The following CALHM2 variants were observed in gnomAD, a reference collection of about 807,000 sequenced individuals.
The protein encoded by CALHM2 is calcium homeostasis modulator protein 2.
In CALHM2, 18 loss-of-function variants were observed where a neutral mutation model predicts 20.4. The ratio of observed to expected loss-of-function variants is 0.88; its 90% CI spans 0.61 to 1.31. CALHM2 has a LOEUF of 1.31. Among genes scored for constraint, CALHM2 ranks in the 50% most tolerant of loss-of-function variants. The probability of loss-of-function intolerance (pLI) is 0.00; values close to 1 mark genes in which losing one functional copy is unlikely to be tolerated. For synonymous variants in CALHM2, 193 were observed against 192.1 expected (o/e 1.00, Z -0.04); for missense variants, 411 against 435.7 (o/e 0.94, Z 0.50).
In CALHM2 at chr10:103,449,492, T is replaced by G. The variant is rs1283234372; in HGVS notation, c.450A>C (p.Ser150=). 3.1e-6 allele frequency: 5 copies of G among 1,613,450 alleles called. No individual in the cohort carries two copies. Among genetic ancestry groups the G allele is most frequent in the Non-Finnish European group, 4.2e-6 (5 of 1,179,990 alleles). ...TGGCCAGGATTTCAGTGGCGTGGGC[T>G]GATGGGAAGTGCTCTTCCCTGGCCG... The part of the protein sequence containing the change: ...SLTAREEHFP[S]AHATEILARF... The change falls in exon 3 of 4, where the codon TCA becomes TCC. Residue 150 remains serine, a synonymous_variant. Coordinates refer to ENST00000260743, the MANE Select transcript of CALHM2 (RefSeq NM_015916.5).
intron 3 of CALHM2, 139 bp from the exon 4 acceptor site, chr10:103,447,707 C>A: frequency 1.4e-6 from 1 of 716,924 alleles, no homozygotes; most frequent in East Asian, 2.8e-5. Context: ...GTTTCCTTAC[C>A]CCCTTTAACT....
At position 103,447,584 on chromosome 10, in the gene CALHM2, G is replaced by C. The variant is rs1592148773; in HGVS notation, c.556-16C>G. 6.4e-7 allele frequency: 1 copy of C among 1,572,992 alleles called. No individual in the cohort carries two copies. Among genetic ancestry groups the C allele is most frequent in the Non-Finnish European group, 8.6e-7 (1 of 1,158,396 alleles). ...ATCCAAAGAGCTGGCCAGAGAATGGGCACAGTTCAGGAGGGGCGAGGAACT... is the reference window on the plus strand; with the variant it reads ...ATCCAAAGAGCTGGCCAGAGAATGGCCACAGTTCAGGAGGGGCGAGGAACT... On this transcript the variant is annotated splice_polypyrimidine_tract_variant and intron_variant, in intron 3 of 3. Transcript: ENST00000260743.
Position 103,449,424 on chromosome 10 carries a change from C to T in CALHM2, c.518G>A (p.Arg173Gln), listed in dbSNP as rs749746508. 14 of 1,613,112 alleles carry T rather than the reference C, an allele frequency of 8.7e-6. No individual in the cohort carries two copies. Among genetic ancestry groups the T allele is most frequent in the Admixed American group, 3.3e-5 (2 of 60,030 alleles). ...KENPDNLSDF[R>Q]EEVSRRLRYE... The stretch of plus-strand genomic sequence containing the variant: ...CCTGAGCCTGCGGCTGACCTCCTCC[C>T]GGAAGTCTGACAGGTTGTCAGGGTT... Residue 173 changes from arginine to glutamine, a missense_variant, in exon 3 of 4, where the codon CGG (arginine) becomes CAG (glutamine). Physicochemically the swap from Arg to Gln is conservative, Grantham distance 43 (BLOSUM62 1). Coordinates refer to ENST00000260743, the MANE Select transcript of CALHM2 (RefSeq NM_015916.5).
In CALHM2 at chr10:103,447,364, C is replaced by T; in HGVS notation, c.760G>A (p.Val254Met). The change falls in exon 4 of 4, where the codon GTG (valine) becomes ATG (methionine). Residue 254 changes from valine (V) to methionine (M), a missense_variant. Coordinates refer to ENST00000260743, the MANE Select transcript of CALHM2 (RefSeq NM_015916.5). ...TCCTCATCATCCTTGTTGAGCGCCA[C>T]AAAGCCAAAGAAGCGGCGCACATTG... ...ANNVRRFFGF[V>M]ALNKDDEELI... 6.2e-7 allele frequency: 1 copy of T among 1,614,124 alleles called. No individual in the cohort carries two copies. Among genetic ancestry groups the T allele is most frequent in the South Asian group, 1.1e-5 (1 of 91,086 alleles).
At chr10:103,447,610 G>A in intron 3 of CALHM2, 42 bp from the exon 4 acceptor site, 1 of 1,497,642 alleles carries the variant, frequency 6.7e-7, no homozygotes, top group Non-Finnish European at 8.9e-7. Flanking sequence ...GCGAGGAACT[G>A]CCTAAGCCCT....
Position 103,447,308 on chromosome 10 carries a change from C to T in CALHM2, c.816G>A (p.Thr272=), listed in dbSNP as rs758060351. 41 of 1,614,138 alleles carry T rather than the reference C, an allele frequency of 2.5e-5. No homozygotes were observed. The highest frequency in any genetic ancestry group is 3.5e-5 in the Non-Finnish European group (41 of 1,180,058). The change falls in exon 4 of 4, where the codon ACG becomes ACA. Residue 272 remains threonine (T), a synonymous_variant. Transcript: ENST00000260743. The part of the protein sequence containing the change: ...ELIANFPVEG[T]QPRPQWNAIT... The stretch of plus-strand genomic sequence containing the variant: ...TGGCATTCCACTGTGGCCGTGGCTG[C>T]GTGCCTTCCACTGGGAAGTTGGCAA...
chr10:103,447,959 T>C (rs1301936432), intron 3 of CALHM2, among the ~76,000 whole-genome samples: 2 of 152,116 alleles, frequency 1.3e-5, no homozygotes, highest in Non-Finnish European at 2.9e-5. Context: ...AGGTCACACA[T>C]GTGCTTGTCT....
rs2033041248 is a variant in CALHM2, at chr10:103,452,276, G to C, written c.-482C>G. The C allele has an allele frequency of 6.5e-6, 1 of 153,020 alleles. No homozygotes were observed. The highest frequency in any genetic ancestry group is 1.5e-5 in the Non-Finnish European group (1 of 68,696). The allele number at this position is 153,020 out of a possible 1,614,324, so 9.5% of individuals were successfully genotyped here. On this transcript the variant is annotated 5_prime_UTR_variant, in exon 1 of 4. Transcript: ENST00000260743. Reference sequence around the variant, plus strand: ...CGCCGTTCCCTCCCGCTTTTCTTCTGCACGGGGGCCTGGGGCTGGTGGCGG... The same window carrying C: ...CGCCGTTCCCTCCCGCTTTTCTTCTCCACGGGGGCCTGGGGCTGGTGGCGG...
chr10:103,447,696 C>G, intron 3 of CALHM2, 128 bp from the exon 4 acceptor site: 1 of 767,412 alleles, frequency 1.3e-6, no homozygotes, highest in East Asian at 2.8e-5. Context: ...GTGATTCCAT[C>G]GTTTCCTTAC....
chr10:103,449,608 C>T lies in CALHM2; in HGVS notation c.334G>A (p.Val112Met). Reference protein sequence around the residue: ...LLSSILGRAAVAPVTWSVISL... With the variant: ...LLSSILGRAAMAPVTWSVISL... ...ATGACAGACCAGGTGACAGGGGCCA[C>T]AGCCGCACGTCCCAGGATGGAGCTT... Residue 112 changes from valine to methionine, a missense_variant, in exon 3 of 4, where the codon GTG becomes ATG. Coordinates refer to ENST00000260743, the MANE Select transcript of CALHM2 (RefSeq NM_015916.5). 1.2e-6 allele frequency: 2 copies of T among 1,613,958 alleles called. No individual in the cohort carries two copies. The highest frequency in any genetic ancestry group is 2.2e-5 in the East Asian group (1 of 44,892).
At chr10:103,449,208 G>A (rs1031052859) in intron 3 of CALHM2, 179 bp downstream of exon 3, 26 of 652,110 alleles carry the variant, frequency 4.0e-5, no homozygotes, top group South Asian at 1.0e-4. Context: ...TCTTATTTGT[G>A]TCTGGAACTG....
intron 3 of CALHM2, among the ~76,000 whole-genome samples, chr10:103,447,919 G>A (rs975118572): frequency 3.3e-5 from 5 of 152,132 alleles, no homozygotes; most frequent in Non-Finnish European, 4.4e-5. Context: ...CCGTGGCCTG[G>A]TTCCTCTCAT....
rs2032704576 is a variant in CALHM2 at position 103,447,463 on chromosome 10, C to T, written c.661G>A (p.Ala221Thr). Residue 221 changes from alanine (A) to threonine (T), a missense_variant, in exon 4 of 4, where the codon GCG becomes ACG. Physicochemically the swap from Ala to Thr is moderately conservative, Grantham distance 58. Transcript: ENST00000260743. ...TGGTCCTCATTGGCGCGGTACTGCG[C>T]CCAGTAGGCCTCCTGGCGGTAGCTG... The part of the protein sequence containing the change: ...PLSYRQEAYW[A>T]QYRANEDQLF... 3.1e-6 allele frequency: 5 copies of T among 1,613,966 alleles called. No homozygotes were observed. Among genetic ancestry groups the T allele is most frequent in the Non-Finnish European group, 4.2e-6 (5 of 1,179,938 alleles).
intron 3 of CALHM2, chr10:103,449,160 A>G (rs2032825201): frequency 5.4e-6 from 3 of 555,402 alleles, no homozygotes; most frequent in South Asian, 4.0e-5. Flanking sequence ...GTCATATACA[A>G]CTGAGATTTA....
chr10:103,446,996 G>A lies in CALHM2; in HGVS notation c.*156C>T, dbSNP rs748834217. ...TGGCTGGGGCTTCCATTGTCTACTG[G>A]GTCTGTCCACACCCCAGATTGCCTT... On this transcript the variant is annotated 3_prime_UTR_variant, in exon 4 of 4. Coordinates refer to ENST00000260743, the MANE Select transcript of CALHM2 (RefSeq NM_015916.5). The A allele has an allele frequency of 1.4e-6, 1 of 734,006 alleles. No individual in the cohort carries two copies. Among genetic ancestry groups the A allele is most frequent in the Admixed American group, 3.0e-5 (1 of 33,752 alleles). 45.5% of individuals were successfully genotyped at this position (734,006 alleles called of 1,614,324 possible). A position where few individuals can be genotyped will look rare whatever the true frequency, so the allele number is the denominator to read the frequency against.
chr10:103,447,717 T>A, intron 3 of CALHM2, 149 bp from the exon 4 acceptor site: 1 of 682,588 alleles, frequency 1.5e-6, no homozygotes, highest in Non-Finnish European at 2.4e-6. Flanking sequence ...CCCCTTTAAC[T>A]CACACTCTAC....
At chr10:103,448,684 G>T (rs1336879631) in intron 3 of CALHM2, among the ~76,000 whole-genome samples, 1 of 150,596 alleles carries the variant, frequency 6.6e-6, no homozygotes, top group African/African-American at 2.4e-5. Context: ...TCGTGCCACT[G>T]CACTCCAACC....
In CALHM2 at chr10:103,447,094, G is replaced by C. The variant is rs2032667090; in HGVS notation, c.*58C>G. The C allele has an allele frequency of 2.7e-6, 4 of 1,473,436 alleles. No homozygotes were observed. In the African/African-American group the frequency reaches 5.6e-5, roughly 21 times the overall value. 91.3% of individuals were successfully genotyped at this position (1,473,436 alleles called of 1,614,324 possible). A position where few individuals can be genotyped will look rare whatever the true frequency, so the allele number is the denominator to read the frequency against. ...CTTCTGATATGGATGTGAGCAAGCA[G>C]TGGGGTTCAGTTTGGGACCAAGTAG... On this transcript the variant is annotated 3_prime_UTR_variant, in exon 4 of 4. Transcript: ENST00000260743.
Position 103,449,774 on chromosome 10 carries a change from G to GT in CALHM2, c.167dup (p.Tyr56Ter). The change falls in exon 3 of 4, where the codon TAC becomes TAAC. Residue 56 changes from tyrosine to a stop codon, truncating the protein, a stop_gained and frameshift_variant. Coordinates refer to ENST00000260743, the MANE Select transcript of CALHM2 (RefSeq NM_015916.5). LOFTEE classifies it high-confidence loss of function. ...CGGGCACGCCGATGGCCGCCAGCCCGTACAGGTAGTTCCGGGCCGGCGAGC... is the reference window on the plus strand; with the variant it reads ...CGGGCACGCCGATGGCCGCCAGCCCGTTACAGGTAGTTCCGGGCCGGCGAGC... ...CPCSPARNYLYGLAAIGVPAL... is the reference protein window; with the variant it reads ...CPCSPARNYL 1 of 1,613,516 alleles carries GT rather than the reference G, an allele frequency of 6.2e-7. No homozygotes were observed. Among genetic ancestry groups the GT allele is most frequent in the Non-Finnish European group, 8.5e-7 (1 of 1,180,036 alleles).
Sources: allele counts gnomAD v4.1 joint callset (sites outside exome capture counted in the v4.1 genomes callset), GRCh38; gene constraint gnomAD v4.1.1; transcripts MANE v1.5; gene names NCBI Gene and HGNC (gene_info 2026-07-23, HGNC 2026-07-21).